The following TAFA5 variants were observed in gnomAD, a reference collection of about 807,000 sequenced individuals.
The protein encoded by TAFA5 is TAFA chemokine like family member 5.
A neutral mutation model predicts 15.3 loss-of-function variants in TAFA5; 6 were observed. The observed-to-expected ratio is 0.39, with a 90% CI of 0.21 to 0.77. The LOEUF (loss-of-function observed/expected upper bound fraction) is 0.77, where lower values mean the gene tolerates loss of function less well. Among genes scored for constraint, TAFA5 ranks in the 30% least tolerant of loss-of-function variants. The pLI is 0.41. For missense variants in TAFA5, 161 were observed against 193.1 expected (o/e 0.83, Z 0.98); for synonymous variants, 103 against 80.7 (o/e 1.28, Z -1.48).
intron 2 of TAFA5, among the ~76,000 whole-genome samples, chr22:48,648,043 A>G (rs1008728560): frequency 6.6e-6 from 1 of 152,154 alleles, no homozygotes; most frequent in Non-Finnish European, 1.5e-5. Flanking sequence ...GGCCGAGGAT[A>G]TGTAGGGGTG....
chr22:48,734,303 G>A (rs1420442805), intron 3 of TAFA5, among the ~76,000 whole-genome samples: 1 of 152,196 alleles, frequency 6.6e-6, no homozygotes, highest in African/African-American at 2.4e-5. Flanking sequence ...AGTGGAGGGC[G>A]AAATATCGTG....
intron 1 of TAFA5, among the ~76,000 whole-genome samples, chr22:48,585,635 TCACA>T (rs765862246): frequency 1.4e-5 from 2 of 145,576 alleles, no homozygotes; most frequent in Non-Finnish European, 3.0e-5. Context: ...ACACTAGACA[TCACA>T]CACACACTAT....
intron 1 of TAFA5, chr22:48,545,501 T>C (rs1051311367): frequency 1.9e-5 from 3 of 154,960 alleles, no homozygotes; most frequent in African/African-American, 7.2e-5. Context: ...GTGATTACTC[T>C]GAACCCAGCT....
At position 48,631,834 on chromosome 22, in the gene TAFA5, G is replaced by C. The variant is rs527352829; in HGVS notation, c.113-14763G>C. On this transcript the variant is annotated intron_variant, in intron 1 of 3. Coordinates refer to ENST00000402357, the MANE Select transcript of TAFA5 (RefSeq NM_001082967.3). The stretch of plus-strand genomic sequence containing the variant: ...GTGGGAAGGACAGCAGGGGGCCTAG[G>C]GGGCAGCTGGGATGCGGCCTGGTCT... Among the ~76,000 whole-genome samples, 5 of 152,278 alleles carry C rather than the reference G, an allele frequency of 3.3e-5. No homozygotes were observed. The East Asian group carries it at 9.7e-4, about 29-fold the overall frequency.
intron 2 of TAFA5, among the ~76,000 whole-genome samples, chr22:48,677,317 A>G (rs1390686659): frequency 6.6e-6 from 1 of 152,230 alleles, no homozygotes; most frequent in African/African-American, 2.4e-5. Flanking sequence ...ACCTTTGGTC[A>G]TCACGCCTTG....
chr22:48,645,793 CAT>C (rs1569062040), intron 1 of TAFA5, among the ~76,000 whole-genome samples: 1 of 152,096 alleles, frequency 6.6e-6, no homozygotes, highest in East Asian at 1.9e-4. Context: ...AGCATGTCCT[CAT>C]GTGCTGCTGG....
At chr22:48,700,375 C>T (rs1928866649) in intron 2 of TAFA5, among the ~76,000 whole-genome samples, 1 of 152,072 alleles carries the variant, frequency 6.6e-6, no homozygotes, top group South Asian at 2.1e-4. Flanking sequence ...AGAGCCTGAC[C>T]TCGCCGGGGA....
chr22:48,490,098 A>G lies in TAFA5; in HGVS notation c.112+394A>G, dbSNP rs1161040505. 2.0e-5 allele frequency among the ~76,000 whole-genome samples: 3 copies of G among 151,758 alleles called. No individual in the cohort carries two copies. The highest frequency in any genetic ancestry group is 4.4e-5 in the Non-Finnish European group (3 of 67,910). On this transcript the variant is annotated intron_variant, in intron 1 of 3. Transcript: ENST00000402357. The surrounding 1 kb of genome is among the most constrained non-coding windows in gnomAD (Gnocchi z 5.8). ...GGCGGCGCTGCCGGGGTGTCTGCGG[A>G]GCGCCCTCCCCGTGCCTCAGCCCGG...
chr22:48,571,271 C>CTTTT (rs869050468), intron 1 of TAFA5, among the ~76,000 whole-genome samples: 102 of 97,658 alleles, frequency 1.0e-3, no homozygotes, highest in East Asian at 1.6e-3. Flanking sequence ...TTGTTGTTTG[C>CTTTT]TTTTTTTTTT....
At chr22:48,659,675 C>G (rs956104317) in intron 2 of TAFA5, among the ~76,000 whole-genome samples, 1 of 152,186 alleles carries the variant, frequency 6.6e-6, no homozygotes, top group Non-Finnish European at 1.5e-5. Flanking sequence ...CAGCTGCTGT[C>G]CTCTCTGAGC....
rs1569080072 is a variant in TAFA5 at position 48,689,013 on chromosome 22, AGAG to A, written c.263-18703_263-18701del. On this transcript the variant is annotated intron_variant, in intron 2 of 3. Coordinates refer to ENST00000402357, the MANE Select transcript of TAFA5 (RefSeq NM_001082967.3). Reference sequence around the variant, plus strand: ...CTCGGAAAAAAAAAAAAAAAAAAAGAGAGAGAAAACCTTTGTTGATGTGCTGCA... The same window carrying A: ...CTCGGAAAAAAAAAAAAAAAAAAAGAAGAAAACCTTTGTTGATGTGCTGCA... Among the ~76,000 whole-genome samples the A allele has an allele frequency of 1.6e-3, 180 of 111,492 alleles. 2 individuals are homozygous for A. The highest frequency in any genetic ancestry group is 7.9e-3 in the African/African-American group (173 of 21,874). 73.1% of individuals were successfully genotyped at this position (111,492 alleles called of 152,430 possible).
At chr22:48,633,992 T>A (rs928680409) in intron 1 of TAFA5, among the ~76,000 whole-genome samples, 7 of 152,100 alleles carry the variant, frequency 4.6e-5, no homozygotes, top group Non-Finnish European at 8.8e-5. Flanking sequence ...TCAGAGGGCC[T>A]GGGGTCACAG....
intron 2 of TAFA5, among the ~76,000 whole-genome samples, chr22:48,679,927 C>T (rs1003015476): frequency 5.3e-5 from 8 of 152,256 alleles, no homozygotes; most frequent in African/African-American, 1.9e-4. Flanking sequence ...ACCCCCAGCT[C>T]TGTCCCTTCC....
At chr22:48,712,671 G>T (rs530855860) in intron 3 of TAFA5, among the ~76,000 whole-genome samples, 4 of 152,318 alleles carry the variant, frequency 2.6e-5, no homozygotes, top group Middle Eastern at 3.4e-3. Flanking sequence ...ACGTCCACCT[G>T]CCCCAGGCGA....
At chr22:48,579,219 G>C (rs1238113144) in intron 1 of TAFA5, among the ~76,000 whole-genome samples, 1 of 152,194 alleles carries the variant, frequency 6.6e-6, no homozygotes, top group Non-Finnish European at 1.5e-5. Flanking sequence ...CATAATTGCA[G>C]CCTCGGTATG....
intron 1 of TAFA5, chr22:48,545,337 C>T (rs1001567167): frequency 4.2e-6 from 1 of 235,558 alleles, no homozygotes; most frequent in Non-Finnish European, 8.5e-6. Flanking sequence ...GGTCACAGCA[C>T]TCATAGGACA....
In TAFA5 at chr22:48,614,528, C is replaced by T. The variant is rs574175171; in HGVS notation, c.113-32069C>T. On this transcript the variant is annotated intron_variant, in intron 1 of 3. Coordinates refer to ENST00000402357, the MANE Select transcript of TAFA5 (RefSeq NM_001082967.3). ...CTAAGTCCCGGGCAAGGCAGGAGGA[C>T]CCCGGGCAGGAGACAAGTGCCCTCC... Among the ~76,000 whole-genome samples, 116 of 152,260 alleles carry T rather than the reference C, an allele frequency of 7.6e-4. 1 individual carries two copies. The South Asian group carries it at 0.022, about 29-fold the overall frequency.
chr22:48,642,822 GTGTGTGTGCA>G (rs1926732354), intron 1 of TAFA5, among the ~76,000 whole-genome samples: 1 of 152,046 alleles, frequency 6.6e-6, no homozygotes, highest in Admixed American at 6.6e-5. Flanking sequence ...CACGTGTGTG[GTGTGTGTGCA>G]TGCACACGTG....
At chr22:48,612,398 C>T (rs554462642) in intron 1 of TAFA5, among the ~76,000 whole-genome samples, 10 of 152,276 alleles carry the variant, frequency 6.6e-5, no homozygotes, top group African/African-American at 2.2e-4. Context: ...GTTAAATGGC[C>T]CGTGTACCTC....
Sources: allele counts gnomAD v4.1 joint callset (sites outside exome capture counted in the v4.1 genomes callset), GRCh38; gene constraint gnomAD v4.1.1; non-coding constraint Gnocchi (gnomAD v3.1); transcripts MANE v1.5; gene names NCBI Gene and HGNC (gene_info 2026-07-23, HGNC 2026-07-21).